Variants in ZBTB2 observed in about 807,000 individuals in gnomAD.
ZBTB2 encodes the protein zinc finger and BTB domain containing 2.
A neutral mutation model predicts 39.5 loss-of-function variants in ZBTB2; 2 were observed. The ratio of observed to expected loss-of-function variants is 0.05; its 90% CI spans 0.02 to 0.16. The LOEUF (loss-of-function observed/expected upper bound fraction) is 0.16, where lower values mean the gene tolerates loss of function less well. ZBTB2 is among the 10% of genes least tolerant of loss of function. The probability of loss-of-function intolerance (pLI) is 1.00; values close to 1 mark genes in which losing one functional copy is unlikely to be tolerated. For missense variants in ZBTB2, 391 were observed against 653.0 expected, an observed-to-expected ratio of 0.60 and a Z score of 4.37; for synonymous variants, 251 against 256.6, an observed-to-expected ratio of 0.98 and a Z score of 0.21.
At chr6:151,386,315 C>T (rs528874950) in intron 1 of ZBTB2, among the ~76,000 whole-genome samples, 6 of 152,280 alleles carry the variant, frequency 3.9e-5, no homozygotes, top group South Asian at 2.1e-4. Context: ...GAGGCCAAGG[C>T]GGGCAGATCA....
At chr6:151,377,247 C>T (rs1297214274) in intron 1 of ZBTB2, among the ~76,000 whole-genome samples, 1 of 152,050 alleles carries the variant, frequency 6.6e-6, no homozygotes, top group African/African-American at 2.4e-5. Context: ...GTCAAAATCC[C>T]AGCTGTGATA....
At chr6:151,378,619 G>A (rs1778965552) in intron 1 of ZBTB2, among the ~76,000 whole-genome samples, 1 of 152,150 alleles carries the variant, frequency 6.6e-6, no homozygotes, top group Non-Finnish European at 1.5e-5. Context: ...ACTTCCTTTT[G>A]CATCTTACTA....
intron 1 of ZBTB2, among the ~76,000 whole-genome samples, chr6:151,382,400 A>C (rs147444230): frequency 6.6e-6 from 1 of 150,636 alleles, no homozygotes; most frequent in East Asian, 2.0e-4. Context: ...GGATTACAGG[A>C]ATGTGCCACC....
intron 1 of ZBTB2, among the ~76,000 whole-genome samples, chr6:151,389,908 C>T (rs970166171): frequency 2.0e-5 from 3 of 152,094 alleles, no homozygotes; most frequent in Non-Finnish European, 4.4e-5. Context: ...CAGCTTCTGG[C>T]TAAAAAGTTC....
At chr6:151,375,889 A>T (rs117625940) in intron 1 of ZBTB2, among the ~76,000 whole-genome samples, 4,540 of 152,324 alleles carry the variant, frequency 0.03, 93 homozygotes, top group Non-Finnish European at 0.044. Flanking sequence ...TTTAAAAAAG[A>T]ACCATAAAGT....
At chr6:151,379,859 T>C (rs1778993774) in intron 1 of ZBTB2, among the ~76,000 whole-genome samples, 1 of 152,120 alleles carries the variant, frequency 6.6e-6, no homozygotes, top group South Asian at 2.1e-4. Flanking sequence ...AATGGGTGTA[T>C]ATTATTTCCT....
intron 1 of ZBTB2, among the ~76,000 whole-genome samples, chr6:151,373,865 A>ACAAAACAAAAC (rs1255472271): frequency 1.8e-5 from 2 of 112,172 alleles, no homozygotes; most frequent in African/African-American, 8.9e-5. Context: ...AAAAAAAAAA[A>ACAAAACAAAAC]AAAAAAAAAA....
At chr6:151,371,692 C>T (rs1359111962) in intron 2 of ZBTB2, among the ~76,000 whole-genome samples, 1 of 152,132 alleles carries the variant, frequency 6.6e-6, no homozygotes, top group African/African-American at 2.4e-5. Flanking sequence ...ATGCACTGGG[C>T]ATCCCCGGGG....
At chr6:151,384,486 C>A (rs1057475011) in intron 1 of ZBTB2, among the ~76,000 whole-genome samples, 2 of 152,112 alleles carry the variant, frequency 1.3e-5, no homozygotes, top group Non-Finnish European at 2.9e-5. Context: ...AGGAAATTGA[C>A]AGGATTCAAA....
intron 2 of ZBTB2, among the ~76,000 whole-genome samples, chr6:151,372,076 C>G (rs1778800049): frequency 6.6e-6 from 1 of 152,066 alleles, no homozygotes; most frequent in Non-Finnish European, 1.5e-5. Flanking sequence ...AAGTTTCCAG[C>G]AGAGGCGAGA....
chr6:151,387,439 C>T (rs1479742114), intron 1 of ZBTB2, among the ~76,000 whole-genome samples: 6 of 152,148 alleles, frequency 3.9e-5, no homozygotes, highest in Admixed American at 6.5e-5. Context: ...TTCATTGAAT[C>T]CTGAAAGGAT....
At chr6:151,387,635 T>A (rs1361725324) in intron 1 of ZBTB2, among the ~76,000 whole-genome samples, 1 of 152,234 alleles carries the variant, frequency 6.6e-6, no homozygotes, top group Non-Finnish European at 1.5e-5. Flanking sequence ...AAGAGAACAG[T>A]ACACTAAAAT....
intron 1 of ZBTB2, 65 bp downstream of exon 1, chr6:151,391,355 C>G (rs907078735): frequency 6.6e-6 from 1 of 152,066 alleles, no homozygotes; most frequent in African/African-American, 2.4e-5. Flanking sequence ...ACCGCCTTCC[C>G]GGACCCTGGG....
chr6:151,387,004 G>A (rs1267977301), intron 1 of ZBTB2, among the ~76,000 whole-genome samples: 1 of 152,054 alleles, frequency 6.6e-6, no homozygotes, highest in Non-Finnish European at 1.5e-5. Flanking sequence ...AAGACAACTG[G>A]ATTTTGCATT....
At chr6:151,369,148 G>A (rs1460684065) in intron 2 of ZBTB2, among the ~76,000 whole-genome samples, 2 of 152,170 alleles carry the variant, frequency 1.3e-5, no homozygotes, top group East Asian at 3.8e-4. Context: ...TGACTCAACG[G>A]TAAGCCTCTC....
chr6:151,391,333 C>T, intron 1 of ZBTB2, 87 bp downstream of exon 1: 1 of 152,064 alleles, frequency 6.6e-6, no homozygotes, highest in Non-Finnish European at 1.5e-5. Flanking sequence ...CTCCGGTGGC[C>T]CCCGCCCCCC....
At chr6:151,379,533 T>G (rs1778985460) in intron 1 of ZBTB2, among the ~76,000 whole-genome samples, 1 of 149,498 alleles carries the variant, frequency 6.7e-6, no homozygotes, top group Non-Finnish European at 1.5e-5. Context: ...TCCCAGCTAC[T>G]CTGGAAGCTG....
rs528813407 is a variant in ZBTB2 at position 151,385,709 on chromosome 6, C to A, written c.-13+5711G>T. Reference sequence around the variant, plus strand: ...ACAATCAGTAACAGCAGAGGCATTACCCACAAGTAAGATTGATTCTTTCAA... The same window carrying A: ...ACAATCAGTAACAGCAGAGGCATTAACCACAAGTAAGATTGATTCTTTCAA... On this transcript the variant is annotated intron_variant, in intron 1 of 2. Coordinates refer to ENST00000325144, the MANE Select transcript of ZBTB2 (RefSeq NM_020861.3). 2.0e-4 allele frequency among the ~76,000 whole-genome samples: 30 copies of A among 152,192 alleles called. No individual in the cohort carries two copies. The South Asian group carries it at 6.2e-3, about 32-fold the overall frequency.
intron 1 of ZBTB2, among the ~76,000 whole-genome samples, chr6:151,377,723 G>A (rs1184824410): frequency 2.6e-5 from 4 of 151,692 alleles, no homozygotes; most frequent in Non-Finnish European, 2.9e-5. Context: ...AGTAGAGATG[G>A]GGTTTCACCA....
Sources: allele counts gnomAD v4.1 joint callset (sites outside exome capture counted in the v4.1 genomes callset), GRCh38; gene constraint gnomAD v4.1.1; transcripts MANE v1.5; gene names NCBI Gene and HGNC (gene_info 2026-07-23, HGNC 2026-07-21).